Variants in PTPRE observed in about 807,000 individuals in gnomAD.
PTPRE encodes the protein protein tyrosine phosphatase receptor type E.
In PTPRE, 51 loss-of-function variants were observed where a neutral mutation model predicts 102.0. The observed-to-expected ratio is 0.50, with a 90% CI of 0.40 to 0.63. The LOEUF (loss-of-function observed/expected upper bound fraction) is 0.63. Ranked by LOEUF, PTPRE falls within the 30% of genes least tolerant of loss-of-function variation. The pLI, the probability that PTPRE is intolerant of heterozygous loss-of-function variation, is 0.00. For missense variants in PTPRE, 752 were observed against 915.1 expected, an observed-to-expected ratio of 0.82 and a Z score of 2.30; for synonymous variants, 345 against 348.2, an observed-to-expected ratio of 0.99 and a Z score of 0.10.
chr10:127,946,101 T>G (rs115678910), intron 1 of PTPRE, among the ~76,000 whole-genome samples: 2,102 of 152,004 alleles, frequency 0.014, 57 homozygotes, highest in African/African-American at 0.048. Context: ...GAGAAGAAGG[T>G]CAGATGCTGT....
At chr10:127,917,040 A>C (rs71474231) in intron 1 of PTPRE, among the ~76,000 whole-genome samples, 4 of 151,824 alleles carry the variant, frequency 2.6e-5, no homozygotes, top group African/African-American at 9.7e-5. Flanking sequence ...CTGTGTGTGG[A>C]AAGCCAGAAT....
intron 1 of PTPRE, among the ~76,000 whole-genome samples, chr10:127,908,989 G>A (rs983618896): frequency 3.3e-5 from 5 of 152,210 alleles, no homozygotes; most frequent in East Asian, 1.9e-4. Context: ...TTGTCTTTAC[G>A]TGTGATGCTT....
At position 128,030,627 on chromosome 10, in the gene PTPRE, G is replaced by A. The variant is rs186212726; in HGVS notation, c.-7-10248G>A. Among the ~76,000 whole-genome samples the A allele has an allele frequency of 2.3e-3, 354 of 152,294 alleles. 2 individuals carry two copies. Among genetic ancestry groups the A allele is most frequent in the African/African-American group, 7.9e-3 (329 of 41,558 alleles). ...TGTGGCAGCTCTGAGAAGGCACCAG[G>A]GTAGAGACCTGCATGAGAGTTGGCC... is the stretch of plus-strand genomic sequence containing the variant. On this transcript the variant is annotated intron_variant, in intron 2 of 20. Coordinates refer to ENST00000254667, the MANE Select transcript of PTPRE (RefSeq NM_006504.6).
intron 11 of PTPRE, 71 bp downstream of exon 11, chr10:128,066,265 C>T (rs1200990423): frequency 6.3e-7 from 1 of 1,577,910 alleles, no homozygotes; most frequent in African/African-American, 1.3e-5. Flanking sequence ...AGTTAACATC[C>T]TTCTGCATTT....
At chr10:127,969,521 A>G (rs7082026) in intron 1 of PTPRE, among the ~76,000 whole-genome samples, 6,144 of 152,154 alleles carry the variant, frequency 0.04, 406 homozygotes, top group African/African-American at 0.14. Context: ...TACAAAAATT[A>G]GCTGGGCATG....
chr10:128,063,220 A>C, intron 10 of PTPRE, 40 bp downstream of exon 10: 1 of 1,610,010 alleles, frequency 6.2e-7, no homozygotes, highest in South Asian at 1.1e-5. Context: ...ACTTCCTTTC[A>C]GCTGCTGCTG....
intron 1 of PTPRE, among the ~76,000 whole-genome samples, chr10:127,960,030 T>G (rs904019743): frequency 2.0e-5 from 3 of 152,190 alleles, no homozygotes; most frequent in African/African-American, 7.2e-5. Context: ...CTAGGACAGA[T>G]GCAGATTATT....
chr10:128,059,411 G>A (rs1007172327), intron 7 of PTPRE, among the ~76,000 whole-genome samples: 17 of 152,122 alleles, frequency 1.1e-4, no homozygotes, highest in African/African-American at 2.2e-4. Context: ...CCACCAGCCC[G>A]TGGCCCACCT....
At chr10:128,058,924 C>G (rs551657021) in intron 7 of PTPRE, among the ~76,000 whole-genome samples, 3 of 152,156 alleles carry the variant, frequency 2.0e-5, no homozygotes, top group Non-Finnish European at 4.4e-5. Flanking sequence ...GGTCAGAGGT[C>G]AAGGTGCTTT....
At chr10:128,067,123 A>T (rs1442029356) in intron 11 of PTPRE, among the ~76,000 whole-genome samples, 3 of 139,108 alleles carry the variant, frequency 2.2e-5, no homozygotes, top group African/African-American at 8.0e-5. Context: ...CGTACAATGC[A>T]TGCACGTTCA....
At chr10:127,915,580 C>T (rs758526698) in intron 1 of PTPRE, among the ~76,000 whole-genome samples, 18 of 152,172 alleles carry the variant, frequency 1.2e-4, no homozygotes, top group East Asian at 1.9e-4. Flanking sequence ...AATTCTTTTG[C>T]GCAAAGTCCA....
At chr10:127,956,359 G>A (rs981890121) in intron 1 of PTPRE, among the ~76,000 whole-genome samples, 3 of 152,128 alleles carry the variant, frequency 2.0e-5, no homozygotes, top group South Asian at 2.1e-4. Flanking sequence ...CCTTGCAAAC[G>A]GCTTCTCAAG....
intron 2 of PTPRE, among the ~76,000 whole-genome samples, chr10:128,026,678 G>T (rs1029056827): frequency 6.6e-6 from 1 of 152,192 alleles, no homozygotes; most frequent in African/African-American, 2.4e-5. Flanking sequence ...TTTAGACATA[G>T]GCAATTACTT....
intron 1 of PTPRE, among the ~76,000 whole-genome samples, chr10:127,912,035 G>A (rs2135132253): frequency 6.6e-6 from 1 of 152,242 alleles, no homozygotes; most frequent in South Asian, 2.1e-4. Flanking sequence ...GCTGGATGTG[G>A]GCTAGGAGAC....
At chr10:127,934,784 G>A (rs763990141) in intron 1 of PTPRE, 3 of 152,324 alleles carry the variant, frequency 2.0e-5, no homozygotes, top group Non-Finnish European at 4.4e-5. Context: ...GTCAGCATAT[G>A]TGCGTGGGAA....
chr10:127,911,725 T>C (rs989212429), intron 1 of PTPRE, among the ~76,000 whole-genome samples: 2 of 152,208 alleles, frequency 1.3e-5, no homozygotes, highest in South Asian at 4.1e-4. Context: ...GCTCAGCATT[T>C]GGGCCACGTG....
intron 1 of PTPRE, among the ~76,000 whole-genome samples, chr10:127,940,883 T>C (rs958497288): frequency 5.9e-5 from 9 of 152,240 alleles, no homozygotes; most frequent in African/African-American, 2.2e-4. Flanking sequence ...TAGGAGACTA[T>C]GACTTTCCTG....
intron 1 of PTPRE, among the ~76,000 whole-genome samples, chr10:127,956,227 A>G (rs2135368344): frequency 6.6e-6 from 1 of 152,298 alleles, no homozygotes; most frequent in South Asian, 2.1e-4. Context: ...ATTAAAGAAT[A>G]TCTAAAAACC....
chr10:127,956,594 A>G (rs1453932714), intron 1 of PTPRE, among the ~76,000 whole-genome samples: 3 of 152,346 alleles, frequency 2.0e-5, no homozygotes, highest in Non-Finnish European at 4.4e-5. Context: ...AATGCCAAGG[A>G]GTGCAATTGC....
Sources: allele counts gnomAD v4.1 joint callset (sites outside exome capture counted in the v4.1 genomes callset), GRCh38; gene constraint gnomAD v4.1.1; transcripts MANE v1.5; gene names NCBI Gene and HGNC (gene_info 2026-07-23, HGNC 2026-07-21).